Variants in AMDHD2 observed in about 807,000 individuals in gnomAD.
The protein encoded by AMDHD2 is amidohydrolase domain containing 2, also known as N-acetylglucosamine-6-phosphate deacetylase.
In AMDHD2, 24 loss-of-function variants were observed where a neutral mutation model predicts 41.8. That is an observed-to-expected ratio of 0.57 (90% CI 0.42 to 0.81). AMDHD2 has a LOEUF of 0.81. Ranked by LOEUF, AMDHD2 falls within the 30% of genes least tolerant of loss-of-function variation. The pLI, the probability that AMDHD2 is intolerant of heterozygous loss-of-function variation, is 0.00. For synonymous variants in AMDHD2, 332 were observed against 255.5 expected (o/e 1.30, Z -2.85); for missense variants, 540 against 588.5 (o/e 0.92, Z 0.85).
intron 3 of AMDHD2, among the ~76,000 whole-genome samples, chr16:2,523,595 C>G (rs1286520268): frequency 1.3e-5 from 2 of 152,216 alleles, no homozygotes; most frequent in Non-Finnish European, 2.9e-5. Context: ...CAGTATTAGC[C>G]ATGGATGTCT....
chr16:2,520,796 C>T lies in AMDHD2; in HGVS notation c.111C>T (p.Arg37=). The change falls in exon 2 of 11, where the codon CGC becomes CGT. Residue 37 remains arginine (R), a synonymous_variant. Coordinates refer to ENST00000293971, the MANE Select transcript of AMDHD2 (RefSeq NM_001330449.2). ...AGGATCTGTGGGTGCGCGGAGGCCG[C>T]ATCTTGGACCCAGAGAAGCTGTTCT... ...LREDLWVRGG[R]ILDPEKLFFE... The T allele has an allele frequency of 1.2e-6, 2 of 1,607,672 alleles. No homozygotes were observed. The highest frequency in any genetic ancestry group is 1.1e-5 in the South Asian group (1 of 90,864).
At chr16:2,525,366 C>CT (rs34643272) in intron 3 of AMDHD2, among the ~76,000 whole-genome samples, 2,056 of 127,304 alleles carry the variant, frequency 0.016, 49 homozygotes, top group African/African-American at 0.047. Flanking sequence ...CCAAATGTTG[C>CT]TTTTTTTTTT....
In AMDHD2 at chr16:2,530,699, CCCA is replaced by C; in HGVS notation, c.*1139_*1141del. 1 of 1,614,068 alleles carries C rather than the reference CCCA, an allele frequency of 6.2e-7. No homozygotes were observed. ...TCCAAAGAGATAGGATGGTCTGGGC[CCCA>C]CCTGTTGGAAGGGAACAGCCAGGGA... is the stretch of plus-strand genomic sequence containing the variant. On this transcript the variant is annotated 3_prime_UTR_variant, in exon 11 of 11. Coordinates refer to ENST00000293971, the MANE Select transcript of AMDHD2 (RefSeq NM_001330449.2).
intron 3 of AMDHD2, among the ~76,000 whole-genome samples, chr16:2,521,769 T>G (rs2065941259): frequency 2.6e-5 from 4 of 150,984 alleles, no homozygotes; most frequent in Admixed American, 2.6e-4. Flanking sequence ...ACATGCTTTT[T>G]TTTTTTGTTT....
rs1297026948 is a variant in AMDHD2 at position 2,527,599 on chromosome 16, T to C, written c.399T>C (p.His133=). 3 of 1,613,102 alleles carry C rather than the reference T, an allele frequency of 1.9e-6. No homozygotes were observed. The highest frequency in any genetic ancestry group is 2.5e-6 in the Non-Finnish European group (3 of 1,179,694). ...PQIPVKSGGP[H]GAGVLGLHLE... ...TCCCTGTGAAGAGTGGTGGTCCCCA[T>C]GGGGCAGGGGTCCTCGGTGAGTGGC... The change falls in exon 4 of 11, where the codon CAT becomes CAC. Residue 133 remains histidine, a synonymous_variant. Coordinates refer to ENST00000293971, the MANE Select transcript of AMDHD2 (RefSeq NM_001330449.2). This position sits in a 1 kb window ranked among gnomAD's most constrained non-coding sequence, Gnocchi z 6.1.
At chr16:2,523,659 C>G (rs1334783404) in intron 3 of AMDHD2, among the ~76,000 whole-genome samples, 1 of 152,216 alleles carries the variant, frequency 6.6e-6, no homozygotes, top group Non-Finnish European at 1.5e-5. Flanking sequence ...CAAAAACCTG[C>G]TGCCAACTGG....
At chr16:2,523,829 C>G (rs2065971104) in intron 3 of AMDHD2, among the ~76,000 whole-genome samples, 1 of 152,226 alleles carries the variant, frequency 6.6e-6, no homozygotes, top group African/African-American at 2.4e-5. Context: ...TTCCCCACTC[C>G]TGCCCCCAAA....
Position 2,527,265 on chromosome 16 carries a change from C to G in AMDHD2, c.361-296C>G. On this transcript the variant is annotated intron_variant, in intron 3 of 10. Coordinates refer to ENST00000293971, the MANE Select transcript of AMDHD2 (RefSeq NM_001330449.2). This position sits in a 1 kb window ranked among gnomAD's most constrained non-coding sequence, Gnocchi z 6.1. Reference sequence around the variant, plus strand: ...CCTGCTGCTCCCAGGAGCCTCCTGCCTCCCAGCCCTGCTCCCTGGGCTGCT... The same window carrying G: ...CCTGCTGCTCCCAGGAGCCTCCTGCGTCCCAGCCCTGCTCCCTGGGCTGCT... The G allele has an allele frequency of 2.0e-6, 1 of 503,894 alleles. No individual in the cohort carries two copies. Among genetic ancestry groups the G allele is most frequent in the Non-Finnish European group, 3.5e-6 (1 of 287,226 alleles). The allele number at this position is 503,894 out of a possible 1,614,324, so 31.2% of individuals were successfully genotyped here. A position where few individuals can be genotyped will look rare whatever the true frequency, so the allele number is the denominator to read the frequency against.
At chr16:2,528,030 A>C (rs1323816096) in intron 5 of AMDHD2, 30 bp from the exon 6 acceptor site, 1 of 1,611,606 alleles carries the variant, frequency 6.2e-7, no homozygotes, top group Non-Finnish European at 8.5e-7. Context: ...GACCTGGGCC[A>C]GGTGCAAAGT....
At chr16:2,524,536 C>T (rs1045390499) in intron 3 of AMDHD2, among the ~76,000 whole-genome samples, 3 of 152,330 alleles carry the variant, frequency 2.0e-5, no homozygotes, top group Admixed American at 6.5e-5. Context: ...CCTCTTGCTC[C>T]CTTCTAAAAC....
chr16:2,529,276 G>T lies in AMDHD2; in HGVS notation c.1141+181G>T. 8 of 1,068,456 alleles carry T rather than the reference G, an allele frequency of 7.5e-6. No homozygotes were observed. In the South Asian group the frequency reaches 1.3e-4, roughly 17 times the overall value. The allele number at this position is 1,068,456 out of a possible 1,614,324, so 66.2% of individuals were successfully genotyped here. On this transcript the variant is annotated intron_variant, in intron 10 of 10. Transcript: ENST00000293971. ...TTGCCATCAGGCCGGGCTTTCTGGT[G>T]TTGCAGACAAGGCCAGGCAAGGGGT... is the stretch of plus-strand genomic sequence containing the variant.
At chr16:2,521,144 T>G (rs1020598647) in intron 3 of AMDHD2, 21 bp downstream of exon 3, 6 of 1,546,598 alleles carry the variant, frequency 3.9e-6, no homozygotes, top group African/African-American at 1.4e-5. Context: ...GCTCCCTGGC[T>G]GAGGTGGAGG....
Position 2,529,998 on chromosome 16 carries a change from G to T in AMDHD2, c.*435G>T. 2.7e-6 allele frequency: 2 copies of T among 730,580 alleles called. No homozygotes were observed. The highest frequency in any genetic ancestry group is 4.3e-6 in the Non-Finnish European group (2 of 466,828). The allele number at this position is 730,580 out of a possible 1,614,324, so 45.3% of individuals were successfully genotyped here. A position where few individuals can be genotyped will look rare whatever the true frequency, so the allele number is the denominator to read the frequency against. ...ACCATGGGCTGGGGGTGAAGAGCCGGCAGGAAGGGGACCAGTCACAGGGAG... is the reference window on the plus strand; with the variant it reads ...ACCATGGGCTGGGGGTGAAGAGCCGTCAGGAAGGGGACCAGTCACAGGGAG... On this transcript the variant is annotated 3_prime_UTR_variant, in exon 11 of 11. Coordinates refer to ENST00000293971, the MANE Select transcript of AMDHD2 (RefSeq NM_001330449.2).
intron 3 of AMDHD2, among the ~76,000 whole-genome samples, chr16:2,525,577 C>T (rs1024502134): frequency 1.3e-5 from 2 of 151,968 alleles, no homozygotes; most frequent in Non-Finnish European, 2.9e-5. Flanking sequence ...TGGAGTCTCA[C>T]TCTGTCACCC....
chr16:2,528,297 G>T lies in AMDHD2; in HGVS notation c.779G>T (p.Arg260Leu). Residue 260 changes from arginine (R) to leucine (L), a missense_variant, in exon 7 of 11, where the codon CGC becomes CTC. Transcript: ENST00000293971. The stretch of plus-strand genomic sequence containing the variant: ...ACCAGCGACCGGCTGCCCGCAGGCC[G>T]CTGCATCTTCTATGGGATGATTGCA... ...LLTSDRLPAG[R>L]CIFYGMIADG... 1 of 1,612,522 alleles carries T rather than the reference G, an allele frequency of 6.2e-7. No homozygotes were observed. Among genetic ancestry groups the T allele is most frequent in the Non-Finnish European group, 8.5e-7 (1 of 1,179,906 alleles).
chr16:2,520,767 A>G lies in AMDHD2; in HGVS notation c.84-2A>G, dbSNP rs1456719132. ...GCGAGCGCCCACCCACTGCGTCCCC[A>G]GGGAGGATCTGTGGGTGCGCGGAGG... On this transcript the variant is annotated splice_acceptor_variant, in intron 1 of 10. Transcript: ENST00000293971. LOFTEE classifies it high-confidence loss of function. 21 of 1,588,166 alleles carry G rather than the reference A, an allele frequency of 1.3e-5. No homozygotes were observed. The highest frequency in any genetic ancestry group is 1.7e-5 in the Non-Finnish European group (20 of 1,169,658).
intron 3 of AMDHD2, among the ~76,000 whole-genome samples, chr16:2,526,749 G>A (rs1042028132): frequency 3.9e-5 from 6 of 152,046 alleles, no homozygotes; most frequent in Non-Finnish European, 7.4e-5. Context: ...TGACCTACAT[G>A]GTGAAACCCC....
Position 2,520,505 on chromosome 16 carries a change from C to T in AMDHD2, c.47C>T (p.Thr16Ile). The T allele has an allele frequency of 8.1e-7, 1 of 1,234,318 alleles. No homozygotes were observed. Among genetic ancestry groups the T allele is most frequent in the Non-Finnish European group, 1.0e-6 (1 of 982,050 alleles). 76.5% of individuals were successfully genotyped at this position (1,234,318 alleles called of 1,614,324 possible). The change falls in exon 1 of 11, where the codon ACT (threonine) becomes ATT (isoleucine). Residue 16 changes from threonine (T) to isoleucine (I), a missense_variant. By Grantham distance (89) the Thr-to-Ile change is moderately conservative. Transcript: ENST00000293971. Reference protein sequence around the residue: ...GAAGARVLQFTNCRILRGGKL... With the variant: ...GAAGARVLQFINCRILRGGKL... ...GCGGGGGCCCGCGTGCTCCAGTTCA[C>T]TAACTGCCGGATCCTGCGCGGAGGG...
At position 2,528,041 on chromosome 16, in the gene AMDHD2, C is replaced by T; in HGVS notation, c.629-19C>T. 1.2e-6 allele frequency: 2 copies of T among 1,612,318 alleles called. No homozygotes were observed. Among genetic ancestry groups the T allele is most frequent in the Non-Finnish European group, 1.7e-6 (2 of 1,179,836 alleles). On this transcript the variant is annotated intron_variant, in intron 5 of 10. Coordinates refer to ENST00000293971, the MANE Select transcript of AMDHD2 (RefSeq NM_001330449.2). ...GGGGGACCTGGGCCAGGTGCAAAGT[C>T]TGAATCCAGGTCCCGCAGGGCACTC...
Sources: gnomAD v4.1 joint callset for allele counts (sites outside exome capture counted in the v4.1 genomes callset) on GRCh38, gnomAD v4.1.1 for gene constraint, Gnocchi (gnomAD v3.1) non-coding constraint, MANE v1.5 for transcripts, NCBI Gene and HGNC (gene_info 2026-07-23, HGNC 2026-07-21) for gene names.